Variants in PHACTR4 observed in about 807,000 individuals in gnomAD.
PHACTR4 encodes the protein protein phosphatase 1, regulatory subunit 124.
PHACTR4 carries 51 observed loss-of-function variants against 72.7 expected under a neutral mutation model. The observed-to-expected ratio is 0.70, with a 90% CI of 0.56 to 0.89. PHACTR4 has a LOEUF of 0.89. Among genes scored for constraint, PHACTR4 ranks in the 40% least tolerant of loss-of-function variants. PHACTR4 has a pLI of 0.00. For synonymous variants in PHACTR4, 255 were observed against 302.5 expected (o/e 0.84, Z 1.63); for missense variants, 731 against 861.8 (o/e 0.85, Z 1.90).
At chr1:28,490,480 C>T (rs1192315391) in intron 10 of PHACTR4, among the ~76,000 whole-genome samples, 15 of 149,516 alleles carry the variant, frequency 1.0e-4, no homozygotes. Flanking sequence ...TGCAGTGAGC[C>T]GAGATTGCGC....
intron 2 of PHACTR4, among the ~76,000 whole-genome samples, chr1:28,448,382 CAAAA>C (rs560890753): frequency 1.6e-5 from 2 of 126,396 alleles, no homozygotes; most frequent in African/African-American, 5.9e-5. Flanking sequence ...GACTTTGTTT[CAAAA>C]AAAAAGAAAA....
intron 2 of PHACTR4, among the ~76,000 whole-genome samples, chr1:28,434,616 A>T (rs1656512225): frequency 6.6e-6 from 1 of 152,070 alleles, no homozygotes; most frequent in Non-Finnish European, 1.5e-5. Flanking sequence ...CACTGTGCCC[A>T]GCCCCTTTCA....
intron 1 of PHACTR4, among the ~76,000 whole-genome samples, 177 bp downstream of exon 1, chr1:28,370,002 T>G (rs1651101000): frequency 6.6e-6 from 1 of 151,844 alleles, no homozygotes; most frequent in Non-Finnish European, 1.5e-5. Context: ...GCCTCCCTCC[T>G]CGGCCCTCCC....
At chr1:28,437,379 G>GCCAC (rs1187701606) in intron 2 of PHACTR4, among the ~76,000 whole-genome samples, 1 of 152,024 alleles carries the variant, frequency 6.6e-6, no homozygotes, top group African/African-American at 2.4e-5. Flanking sequence ...ACTGGCACAT[G>GCCAC]CCACCATGCC....
intron 3 of PHACTR4, 22 bp downstream of exon 3, chr1:28,459,280 G>A (rs1378709306): frequency 1.9e-6 from 3 of 1,596,998 alleles, no homozygotes; most frequent in Non-Finnish European, 2.6e-6. Context: ...AGGGTTAAAT[G>A]TGTGTTCTGA....
intron 2 of PHACTR4, among the ~76,000 whole-genome samples, chr1:28,449,749 G>A (rs933416000): frequency 6.6e-6 from 1 of 151,956 alleles, no homozygotes; most frequent in African/African-American, 2.4e-5. Flanking sequence ...CTACTTGGGA[G>A]GCTGAGACAG....
chr1:28,462,081 C>T (rs1658852865), intron 4 of PHACTR4, among the ~76,000 whole-genome samples: 2 of 151,740 alleles, frequency 1.3e-5, no homozygotes, highest in Non-Finnish European at 2.9e-5. Flanking sequence ...GATCTTGGCT[C>T]ACTGCAACCT....
chr1:28,428,282 T>C lies in PHACTR4; in HGVS notation c.16+20819T>C, dbSNP rs144631832. 9.0e-4 allele frequency among the ~76,000 whole-genome samples: 137 copies of C among 152,348 alleles called. 1 individual carries two copies. The highest frequency in any genetic ancestry group is 3.4e-3 in the Middle Eastern group (1 of 294). ...CATTCAGCTAGTTCTCACTTTCTTC[T>C]AGGCCTGCCTTTCCCACTGACTTTA... On this transcript the variant is annotated intron_variant, in intron 2 of 13. Transcript: ENST00000373839.
intron 2 of PHACTR4, among the ~76,000 whole-genome samples, chr1:28,436,498 AC>A (rs1656644821): frequency 6.6e-6 from 1 of 152,184 alleles, no homozygotes; most frequent in South Asian, 2.1e-4. Context: ...TAGTTTTCTT[AC>A]CTGAAAATAG....
At chr1:28,443,422 C>T (rs552101494) in intron 2 of PHACTR4, among the ~76,000 whole-genome samples, 10 of 151,992 alleles carry the variant, frequency 6.6e-5, no homozygotes, top group South Asian at 4.2e-4. Flanking sequence ...GCTGGGACTA[C>T]GGGTGCACAC....
intron 1 of PHACTR4, among the ~76,000 whole-genome samples, chr1:28,394,409 C>T (rs1466225830): frequency 1.3e-5 from 2 of 151,964 alleles, no homozygotes; most frequent in East Asian, 3.9e-4. Flanking sequence ...ACTTATCATC[C>T]TGAATAGCTG....
At chr1:28,396,028 G>T (rs574420710) in intron 1 of PHACTR4, among the ~76,000 whole-genome samples, 2 of 148,448 alleles carry the variant, frequency 1.3e-5, no homozygotes, top group Non-Finnish European at 3.0e-5. Context: ...GAACATGATT[G>T]TAAGTCTCTA....
rs1661574993 is a variant in PHACTR4, at chr1:28,499,995, G to C, written c.*3446G>C. ...TCACTACCTTTCTTACCCTTAATGT[G>C]CCAAGCTTGAAACAGGATTTGATTT... On this transcript the variant is annotated 3_prime_UTR_variant, in exon 14 of 14. Coordinates refer to ENST00000373839, the MANE Select transcript of PHACTR4 (RefSeq NM_001048183.3). 3.9e-5 allele frequency: 6 copies of C among 152,038 alleles called. No homozygotes were observed. The highest frequency in any genetic ancestry group is 1.4e-4 in the African/African-American group (6 of 41,396). 9.4% of individuals were successfully genotyped at this position (152,038 alleles called of 1,614,324 possible).
At chr1:28,412,823 A>G (rs1314309136) in intron 2 of PHACTR4, among the ~76,000 whole-genome samples, 2 of 152,206 alleles carry the variant, frequency 1.3e-5, no homozygotes, top group Non-Finnish European at 2.9e-5. Context: ...AGTAAAGTTA[A>G]GATTTAATCC....
intron 1 of PHACTR4, among the ~76,000 whole-genome samples, chr1:28,384,176 T>C (rs1052985649): frequency 6.6e-6 from 1 of 152,182 alleles, no homozygotes; most frequent in African/African-American, 2.4e-5. Flanking sequence ...GCTGGCCTCA[T>C]AGAATGAGTT....
At chr1:28,459,942 A>G (rs1658675563) in intron 3 of PHACTR4, among the ~76,000 whole-genome samples, 1 of 152,222 alleles carries the variant, frequency 6.6e-6, no homozygotes, top group Non-Finnish European at 1.5e-5. Context: ...CCATCCACAC[A>G]AAGTTCATCC....
In PHACTR4 at chr1:28,459,095, C is replaced by A; in HGVS notation, c.27C>A (p.Asp9Glu). The A allele has an allele frequency of 6.2e-7, 1 of 1,605,910 alleles. No homozygotes were observed. The highest frequency in any genetic ancestry group is 8.5e-7 in the Non-Finnish European group (1 of 1,176,506). ...CTTTTCATGTAACAGAGGAAGCAGA[C>A]CAGCCCACTACAGAGCCAGGCATGG... is the stretch of plus-strand genomic sequence containing the variant. MEDPFEEADQPTTEPGMVL... is the reference protein window; with the variant it reads MEDPFEEAEQPTTEPGMVL... Residue 9 changes from aspartate to glutamate, a missense_variant, in exon 3 of 14, where the codon GAC becomes GAA. By Grantham distance (45) the Asp-to-Glu change is conservative. Around this residue, in one of 2 missense-constraint regions of PHACTR4, gnomAD observed 621 missense variants for 676.6 expected, o/e 0.92. Transcript: ENST00000373839.
chr1:28,455,399 G>A (rs963001804), intron 2 of PHACTR4, among the ~76,000 whole-genome samples: 3 of 151,738 alleles, frequency 2.0e-5, no homozygotes, highest in Non-Finnish European at 2.9e-5. Context: ...GTTTCACCAT[G>A]TTGGCTAGGC....
chr1:28,414,496 G>A (rs1654988045), intron 2 of PHACTR4, among the ~76,000 whole-genome samples: 1 of 133,846 alleles, frequency 7.5e-6, no homozygotes, highest in African/African-American at 2.9e-5. Flanking sequence ...TCCCACCTCT[G>A]CCTCCCAAGT....
Sources: gnomAD v4.1 joint callset for allele counts (sites outside exome capture counted in the v4.1 genomes callset) on GRCh38, gnomAD v4.1.1 for gene constraint, gnomAD v4.1.1 regional missense constraint, MANE v1.5 for transcripts, NCBI Gene and HGNC (gene_info 2026-07-23, HGNC 2026-07-21) for gene names.